DACH2: variants seen among roughly 807,000 people sequenced by gnomAD.
DACH2 encodes dachshund homolog 2.
DACH2 carries 17 observed loss-of-function variants against 35.8 expected under a neutral mutation model. The ratio of observed to expected loss-of-function variants is 0.48; its 90% confidence interval spans 0.33 to 0.71. The LOEUF is 0.71. Ranked by LOEUF, DACH2 falls within the 30% of genes least tolerant of loss-of-function variation. The probability of loss-of-function intolerance (pLI) is 0.02; values close to 1 mark genes in which losing one functional copy is unlikely to be tolerated. For synonymous variants in DACH2, 195 were observed against 177.3 expected, an observed-to-expected ratio of 1.10 and a Z score of -0.79; for missense variants, 469 against 472.7, an observed-to-expected ratio of 0.99 and a Z score of 0.07.
intron 1 of DACH2, among the ~76,000 whole-genome samples, chrX:86,223,770 C>A (rs1238291546): frequency 8.9e-6 from 1 of 112,097 alleles, no homozygotes; most frequent in Non-Finnish European, 1.9e-5. Flanking sequence ...GACAGAGGAA[C>A]AGAGATAGAT....
At chrX:86,398,549 A>C (rs2036350072) in intron 2 of DACH2, among the ~76,000 whole-genome samples, 1 of 111,859 alleles carries the variant, frequency 8.9e-6, no homozygotes, top group East Asian at 2.8e-4. Context: ...TTCCCTCTAC[A>C]CACTGCTTTG....
At chrX:86,309,743 C>T (rs535380262) in intron 1 of DACH2, among the ~76,000 whole-genome samples, 1 of 112,162 alleles carries the variant, frequency 8.9e-6, no homozygotes, top group African/African-American at 3.2e-5. Flanking sequence ...GTATTTGACC[C>T]TCCTACAACC....
At chrX:86,378,691 G>T (rs1001936273) in intron 2 of DACH2, among the ~76,000 whole-genome samples, 1 of 111,188 alleles carries the variant, frequency 9.0e-6, no homozygotes, top group East Asian at 2.8e-4. Flanking sequence ...TAGCCCATGG[G>T]CTGTCAGTTT....
At chrX:86,162,315 G>A (rs940603753) in intron 1 of DACH2, among the ~76,000 whole-genome samples, 2 of 110,957 alleles carry the variant, frequency 1.8e-5, no homozygotes, top group African/African-American at 6.6e-5. Context: ...CTAAATTTGG[G>A]TCATGTTAGC....
rs374783938 is a variant in DACH2, at chrX:86,246,080, G to C, written c.488+96972G>C. Among the ~76,000 whole-genome samples, 5 of 111,318 alleles carry C rather than the reference G, an allele frequency of 4.5e-5. No individual in the cohort carries two copies. In the South Asian group the frequency reaches 1.5e-3, roughly 33 times the overall value. On this transcript the variant is annotated intron_variant, in intron 1 of 11. Coordinates refer to ENST00000373125, the MANE Select transcript of DACH2 (RefSeq NM_053281.3). ...CGAGGAAAGGATCTCAGGGCTTGAA[G>C]ACTGGTTCTTTGAACCACCTCAATC...
chrX:86,605,700 ATTTTCTCACAGTTCTTGGATGCT>A (rs1343256541), intron 3 of DACH2, among the ~76,000 whole-genome samples: 8 of 107,441 alleles, frequency 7.4e-5, no homozygotes, highest in Admixed American at 3.0e-4. Flanking sequence ...GCCTTTTGAT[ATTTTCTCACAGTTCTTGGATGCT>A]TTTTCTCACA....
intron 1 of DACH2, among the ~76,000 whole-genome samples, chrX:86,255,190 G>A (rs994330375): frequency 9.0e-6 from 1 of 110,886 alleles, no homozygotes; most frequent in African/African-American, 3.3e-5. Flanking sequence ...CAAAAAAGTA[G>A]GAAAAAGTTT....
chrX:86,831,372 C>T (rs1462527628), intron 11 of DACH2: 2 of 111,364 alleles, frequency 1.8e-5, no homozygotes, highest in Non-Finnish European at 3.8e-5. Context: ...ACGGATTCAT[C>T]CACATTTCTT....
intron 1 of DACH2, among the ~76,000 whole-genome samples, chrX:86,186,661 C>T (rs1428242310): frequency 9.0e-6 from 1 of 111,332 alleles, no homozygotes; most frequent in Non-Finnish European, 1.9e-5. Flanking sequence ...TTTAATTATG[C>T]AAAATGCTGT....
intron 7 of DACH2, among the ~76,000 whole-genome samples, chrX:86,805,490 T>TAAC (rs2042335470): frequency 8.9e-6 from 1 of 112,213 alleles, no homozygotes; most frequent in Non-Finnish European, 1.9e-5. Context: ...TCTTGGCTAT[T>TAAC]AACATTTAGC....
At chrX:86,756,349 T>A (rs939589971) in intron 7 of DACH2, among the ~76,000 whole-genome samples, 2 of 111,632 alleles carry the variant, frequency 1.8e-5, no homozygotes, top group African/African-American at 6.5e-5. Context: ...TTAATATTAA[T>A]TCTTCTGATC....
intron 1 of DACH2, among the ~76,000 whole-genome samples, chrX:86,307,589 C>T (rs1334966325): frequency 1.8e-5 from 2 of 111,228 alleles, no homozygotes; most frequent in African/African-American, 6.5e-5. Flanking sequence ...GGAGATAAAC[C>T]CTGCACTGCC....
intron 1 of DACH2, among the ~76,000 whole-genome samples, chrX:86,227,296 G>T (rs2032846173): frequency 9.0e-6 from 1 of 111,448 alleles, no homozygotes; most frequent in African/African-American, 3.2e-5. Flanking sequence ...ATGCCATGCT[G>T]GTTTACAAGG....
chrX:86,468,903 C>A (rs2037718322), intron 2 of DACH2, among the ~76,000 whole-genome samples: 1 of 111,434 alleles, frequency 9.0e-6, no homozygotes, highest in Non-Finnish European at 1.9e-5. Context: ...CACTGCACTC[C>A]CAAGTTCATT....
intron 9 of DACH2, 103 bp from the exon 10 acceptor site, chrX:86,814,585 A>G (rs2042426736): frequency 2.4e-6 from 2 of 818,205 alleles, no homozygotes; most frequent in East Asian, 3.3e-5. Flanking sequence ...AAATATTTCT[A>G]TATCTCTCTT....
At chrX:86,263,055 A>T (rs2033654808) in intron 1 of DACH2, 1 of 652,837 alleles carries the variant, frequency 1.5e-6, no homozygotes, top group Non-Finnish European at 1.8e-6. Flanking sequence ...CCGCTAAAGA[A>T]AAAGGAGAAA....
intron 6 of DACH2, among the ~76,000 whole-genome samples, chrX:86,737,038 C>T (rs2041603746): frequency 1.8e-5 from 2 of 111,356 alleles, no homozygotes; most frequent in Non-Finnish European, 3.8e-5. Context: ...TATACACATG[C>T]ACACACATAC....
At chrX:86,734,560 C>T (rs962010314) in intron 6 of DACH2, among the ~76,000 whole-genome samples, 1 of 111,119 alleles carries the variant, frequency 9.0e-6, no homozygotes, top group Non-Finnish European at 1.9e-5. Context: ...CCTCAAGAGC[C>T]CTTTTTCCAT....
intron 1 of DACH2, among the ~76,000 whole-genome samples, chrX:86,186,294 A>G (rs1265377387): frequency 8.9e-6 from 1 of 112,701 alleles, no homozygotes; most frequent in African/African-American, 3.2e-5. Flanking sequence ...TTTCAGGGAG[A>G]TGATAGTATT....
Sources: allele counts gnomAD v4.1 joint callset (sites outside exome capture counted in the v4.1 genomes callset), GRCh38; gene constraint gnomAD v4.1.1; transcripts MANE v1.5; gene names NCBI Gene and HGNC (gene_info 2026-07-23, HGNC 2026-07-21).